The following RNF19A variants were observed in gnomAD, a reference collection of about 807,000 sequenced individuals.
RNF19A encodes the protein ring finger protein 19A, RBR E3 ubiquitin protein ligase.
RNF19A carries 32 observed loss-of-function variants against 75.7 expected under a neutral mutation model. That is an observed-to-expected ratio of 0.42 (90% CI 0.32 to 0.57). The LOEUF (loss-of-function observed/expected upper bound fraction) is 0.57, where lower values mean the gene tolerates loss of function less well. Ranked by LOEUF, RNF19A falls within the 20% of genes least tolerant of loss-of-function variation. The pLI is 0.10. For missense variants in RNF19A, 782 were observed against 1,036.3 expected (o/e 0.75, Z 3.37); for synonymous variants, 335 against 345.2 (o/e 0.97, Z 0.33).
upstream of RNF19A, chr8:100,310,411 C>T (rs1822260813): frequency 4.4e-6 from 1 of 226,622 alleles, no homozygotes; most frequent in African/African-American, 2.3e-5. Flanking sequence ...CTCCGTGGCC[C>T]AGAGAGCGTC....
intron 1 of RNF19A, among the ~76,000 whole-genome samples, chr8:100,305,952 T>C (rs1231027542): frequency 1.3e-5 from 2 of 152,208 alleles, no homozygotes; most frequent in Non-Finnish European, 2.9e-5. Context: ...TTTATATTAA[T>C]ACGTTATATA....
In RNF19A at chr8:100,275,312, G is replaced by A; in HGVS notation, c.675-151C>T. On this transcript the variant is annotated intron_variant, in intron 2 of 9. Coordinates refer to ENST00000341084, the MANE Select transcript of RNF19A (RefSeq NM_183419.4). The surrounding 1 kb of genome is among the most constrained non-coding windows in gnomAD (Gnocchi z 4.3). ...AGCACAATCTCACCAATATAAAAATGGGGGAAAATGAAGTTTACAAATGAA... is the reference window on the plus strand; with the variant it reads ...AGCACAATCTCACCAATATAAAAATAGGGGAAAATGAAGTTTACAAATGAA... 1 of 628,834 alleles carries A rather than the reference G, an allele frequency of 1.6e-6. No individual in the cohort carries two copies. 39.0% of individuals were successfully genotyped at this position (628,834 alleles called of 1,614,324 possible).
At chr8:100,263,381 G>A (rs1425765576) in intron 7 of RNF19A, among the ~76,000 whole-genome samples, 1 of 152,188 alleles carries the variant, frequency 6.6e-6, no homozygotes, top group Non-Finnish European at 1.5e-5. Context: ...GTTACGTGGA[G>A]GCCACTGGTG....
rs769735339 is a variant in RNF19A, at chr8:100,261,690, T to A, written c.1534A>T (p.Thr512Ser). ...CTTCCACTTGCACTCAAACTGCCAG[T>A]CAGCCCACCAACACTTCCCTCCCCT... is the stretch of plus-strand genomic sequence containing the variant. ...SIGEGSVGGL[T>S]GSLSASGSHM... The change falls in exon 8 of 10, where the codon ACT becomes TCT. Residue 512 changes from threonine to serine, a missense_variant. Transcript: ENST00000341084. The surrounding 1 kb of genome is among the most constrained non-coding windows in gnomAD (Gnocchi z 4.4). The A allele has an allele frequency of 1.2e-6, 2 of 1,614,154 alleles. No homozygotes were observed. Among genetic ancestry groups the A allele is most frequent in the Non-Finnish European group, 1.7e-6 (2 of 1,180,018 alleles).
Position 100,275,111 on chromosome 8 carries a change from C to T in RNF19A, c.725G>A (p.Gly242Glu). 1 of 1,614,046 alleles carries T rather than the reference C, an allele frequency of 6.2e-7. No individual in the cohort carries two copies. Among genetic ancestry groups the T allele is most frequent in the South Asian group, 1.1e-5 (1 of 91,066 alleles). The change falls in exon 3 of 10, where the codon GGG becomes GAG. Residue 242 changes from glycine (G) to glutamate (E), a missense_variant. Gly to Glu is a moderately conservative substitution (Grantham distance 98). This residue lies in a region of RNF19A where 85 missense variants were observed against 177.7 expected (regional missense o/e 0.48). Transcript: ENST00000341084. This position sits in a 1 kb window ranked among gnomAD's most constrained non-coding sequence, Gnocchi z 4.3. ...AAACTCTGTTCCACAGCCCTCTCGCCCACAAGTTAATTTTGGACAGCTGGC... is the reference window on the plus strand; with the variant it reads ...AAACTCTGTTCCACAGCCCTCTCGCTCACAAGTTAATTTTGGACAGCTGGC... ...GCASCPKLTCGREGCGTEFCY... is the reference protein window; with the variant it reads ...GCASCPKLTCEREGCGTEFCY...
intron 2 of RNF19A, among the ~76,000 whole-genome samples, chr8:100,277,921 A>G (rs1820601843): frequency 6.6e-6 from 1 of 152,222 alleles, no homozygotes; most frequent in Admixed American, 6.5e-5. Flanking sequence ...GAAGGAAGGA[A>G]GAAGGAAAGA....
chr8:100,290,770 T>C (rs749204845), intron 1 of RNF19A, among the ~76,000 whole-genome samples: 8 of 152,222 alleles, frequency 5.3e-5, no homozygotes, highest in Non-Finnish European at 1.2e-4. Flanking sequence ...TGTTATAGTC[T>C]ATTACACACC....
At chr8:100,290,908 G>C (rs1406764015) in intron 1 of RNF19A, among the ~76,000 whole-genome samples, 1 of 152,044 alleles carries the variant, frequency 6.6e-6, no homozygotes. Flanking sequence ...TCATTTCTTT[G>C]GCTCTCCGAT....
intron 3 of RNF19A, among the ~76,000 whole-genome samples, chr8:100,270,578 C>CT (rs1820208759): frequency 6.6e-6 from 1 of 152,042 alleles, no homozygotes; most frequent in Non-Finnish European, 1.5e-5. Flanking sequence ...GAAAAGCAGC[C>CT]TTTTCCCAGT....
chr8:100,309,634 G>T, intron 1 of RNF19A: 1 of 927,262 alleles, frequency 1.1e-6, no homozygotes, highest in Non-Finnish European at 1.3e-6. Context: ...CCCGCGCCTG[G>T]GCCGGGTAGG....
chr8:100,281,032 TC>T (rs1186584124), intron 2 of RNF19A, among the ~76,000 whole-genome samples: 1 of 152,194 alleles, frequency 6.6e-6, no homozygotes, highest in African/African-American at 2.4e-5. Flanking sequence ...TAACTGAACA[TC>T]TCTGACTCAA....
At position 100,258,856 on chromosome 8, in the gene RNF19A, C is replaced by G. The variant is rs1285740059; in HGVS notation, c.2217G>C (p.Met739Ile). The G allele has an allele frequency of 1.2e-6, 2 of 1,614,116 alleles. No homozygotes were observed. The highest frequency in any genetic ancestry group is 2.2e-5 in the South Asian group (2 of 91,082). ...TGGAACCATGACTACAAGAAGTTTT[C>G]ATGCTTTCTAGGTCAGAACAACTAA... ...SEFSCSDLES[M>I]KTSCSHGSSD... Residue 739 changes from methionine to isoleucine, a missense_variant, in exon 10 of 10, where the codon ATG (methionine) becomes ATC (isoleucine). Physicochemically the swap from Met to Ile is conservative, Grantham distance 10 (BLOSUM62 1). Transcript: ENST00000341084. The surrounding 1 kb of genome is among the most constrained non-coding windows in gnomAD (Gnocchi z 4.3).
chr8:100,305,174 C>G (rs1822013921), intron 1 of RNF19A, among the ~76,000 whole-genome samples: 1 of 152,144 alleles, frequency 6.6e-6, no homozygotes, highest in Middle Eastern at 3.2e-3. Flanking sequence ...CTCAAATGAT[C>G]TGCCTGCCTC....
chr8:100,332,491 C>T lies in RNF19A; in HGVS notation c.-243+3617G>A, dbSNP rs1286158982. Among the ~76,000 whole-genome samples the T allele has an allele frequency of 6.6e-6, 1 of 152,194 alleles. No homozygotes were observed. The highest frequency in any genetic ancestry group is 1.5e-5 in the Non-Finnish European group (1 of 68,038). On this transcript the variant is annotated intron_variant, in intron 1 of 3. Coordinates refer to the RNF19A transcript ENST00000519527. The surrounding 1 kb of genome is among the most constrained non-coding windows in gnomAD (Gnocchi z 4.8). The stretch of plus-strand genomic sequence containing the variant: ...ACTGTGAGTCAATTAAATCTCTTTC[C>T]TTTATAAATTACTCAGTTTCAGGGA...
intron 2 of RNF19A, among the ~76,000 whole-genome samples, chr8:100,283,988 C>T (rs1191303487): frequency 6.6e-6 from 1 of 151,884 alleles, no homozygotes; most frequent in Non-Finnish European, 1.5e-5. Flanking sequence ...CTTCAGTAAG[C>T]TTCAATAGGT....
intron 1 of RNF19A, among the ~76,000 whole-genome samples, chr8:100,290,507 G>GT (rs769841652): frequency 6.6e-6 from 1 of 152,116 alleles, no homozygotes; most frequent in Non-Finnish European, 1.5e-5. Context: ...TTTTCTATGT[G>GT]TTTTTTTCCT....
In RNF19A at chr8:100,287,374, T is replaced by C; in HGVS notation, c.674+127A>G. On this transcript the variant is annotated intron_variant, in intron 2 of 9. Transcript: ENST00000341084. This position sits in a 1 kb window ranked among gnomAD's most constrained non-coding sequence, Gnocchi z 4.1. ...ACCTAGCATAGTGCCTGACATATGG[T>C]GTGCACTCAACATGTCTGTTGAATG... 1.3e-6 allele frequency: 1 copy of C among 740,918 alleles called. No homozygotes were observed. Among genetic ancestry groups the C allele is most frequent in the Non-Finnish European group, 2.2e-6 (1 of 457,348 alleles). The allele number at this position is 740,918 out of a possible 1,614,324, so 45.9% of individuals were successfully genotyped here.
At position 100,264,198 on chromosome 8, in the gene RNF19A, A is replaced by G; in HGVS notation, c.1307-3T>C. The G allele has an allele frequency of 6.2e-7, 1 of 1,601,104 alleles. No individual in the cohort carries two copies. The highest frequency in any genetic ancestry group is 8.5e-7 in the Non-Finnish European group (1 of 1,173,438). ...TAACATAATAGGAACACCGATACCT[A>G]AAGAGAAATTAAATCAGTCATTACA... On this transcript the variant is annotated splice_region_variant and splice_polypyrimidine_tract_variant and intron_variant, in intron 6 of 9. Coordinates refer to ENST00000341084, the MANE Select transcript of RNF19A (RefSeq NM_183419.4). This position sits in a 1 kb window ranked among gnomAD's most constrained non-coding sequence, Gnocchi z 4.7.
rs773595690 is a variant in RNF19A at position 100,287,848 on chromosome 8, G to A, written c.327C>T (p.Phe109=). 1.4e-4 allele frequency: 224 copies of A among 1,614,056 alleles called. No individual in the cohort carries two copies. The highest frequency in any genetic ancestry group is 1.3e-5 in the African/African-American group (1 of 74,950). The change falls in exon 2 of 10, where the codon TTC becomes TTT. Residue 109 remains phenylalanine, a synonymous_variant. Transcript: ENST00000341084. The surrounding 1 kb of genome is among the most constrained non-coding windows in gnomAD (Gnocchi z 4.1). The part of the protein sequence containing the change: ...SEMCTDKNSI[F]STNTSSDNGL... ...CATTGTCAGAAGAGGTATTTGTAGA[G>A]AAAATGGAGTTCTTATCAGTACACA...
Sources: gnomAD v4.1 joint callset for allele counts (sites outside exome capture counted in the v4.1 genomes callset) on GRCh38, gnomAD v4.1.1 for gene constraint, gnomAD v4.1.1 regional missense constraint, Gnocchi (gnomAD v3.1) non-coding constraint, MANE v1.5 for transcripts, NCBI Gene and HGNC (gene_info 2026-07-23, HGNC 2026-07-21) for gene names.